Variants in NLGN4X observed in about 807,000 individuals in gnomAD.
NLGN4X encodes neuroligin 4 X-linked, also known as neuroligin-4, X-linked.
NLGN4X carries 3 observed loss-of-function variants against 40.3 expected under a neutral mutation model. The ratio of observed to expected loss-of-function variants is 0.07; its 90% CI spans 0.03 to 0.19. The LOEUF is 0.19. NLGN4X is among the 10% of genes least tolerant of loss of function. NLGN4X has a pLI of 1.00. For synonymous variants in NLGN4X, 270 were observed against 306.8 expected (o/e 0.88, Z 1.25); for missense variants, 382 against 708.3 (o/e 0.54, Z 5.23).
intron 3 of NLGN4X, among the ~76,000 whole-genome samples, chrX:6,005,372 C>T (rs1381157865): frequency 9.0e-6 from 1 of 111,431 alleles, no homozygotes; most frequent in Non-Finnish European, 1.9e-5. Context: ...CATCTGGGTG[C>T]CAACTGTCAT....
intron 3 of NLGN4X, among the ~76,000 whole-genome samples, chrX:5,910,826 G>A (rs1351394599): frequency 1.8e-5 from 2 of 111,613 alleles, no homozygotes; most frequent in Non-Finnish European, 3.8e-5. Flanking sequence ...GAGAGGCAGC[G>A]TCGCAACTGC....
chrX:5,910,751 C>T (rs954213348), intron 3 of NLGN4X, among the ~76,000 whole-genome samples: 3 of 111,444 alleles, frequency 2.7e-5, no homozygotes, highest in African/African-American at 9.8e-5. Flanking sequence ...GGACGATTTT[C>T]GTTCAACAAT....
chrX:6,050,243 A>C (rs771484693), intron 2 of NLGN4X, among the ~76,000 whole-genome samples: 1 of 111,894 alleles, frequency 8.9e-6, no homozygotes, highest in Non-Finnish European at 1.9e-5. Flanking sequence ...ATTAATGAGC[A>C]TGTAGACATA....
At chrX:5,961,129 C>T (rs1017982667) in intron 3 of NLGN4X, among the ~76,000 whole-genome samples, 6 of 111,286 alleles carry the variant, frequency 5.4e-5, no homozygotes, top group Non-Finnish European at 1.1e-4. Flanking sequence ...CCCGGGTTCA[C>T]GCCATTCTCC....
chrX:5,910,617 T>C, intron 3 of NLGN4X, among the ~76,000 whole-genome samples: 1 of 110,105 alleles, frequency 9.1e-6, no homozygotes, highest in East Asian at 2.9e-4. Flanking sequence ...ACAAAAAGAG[T>C]AGAGGATGAG....
intron 3 of NLGN4X, among the ~76,000 whole-genome samples, chrX:5,996,581 A>G (rs2035824454): frequency 9.7e-6 from 1 of 102,739 alleles, no homozygotes; most frequent in African/African-American, 3.5e-5. Flanking sequence ...CACAGAAATA[A>G]CAATCCTCAC....
chrX:5,927,569 T>A (rs1045194970), intron 3 of NLGN4X, among the ~76,000 whole-genome samples: 5 of 112,514 alleles, frequency 4.4e-5, no homozygotes, highest in African/African-American at 1.6e-4. Flanking sequence ...AGAATGCAGG[T>A]AAAAGAGAAT....
chrX:5,945,253 T>C (rs1488677750), intron 3 of NLGN4X, among the ~76,000 whole-genome samples: 1 of 111,329 alleles, frequency 9.0e-6, no homozygotes, highest in African/African-American at 3.3e-5. Context: ...GAAGAAAAGA[T>C]GGATGGGACA....
intron 2 of NLGN4X, among the ~76,000 whole-genome samples, chrX:6,082,894 C>A (rs1309470758): frequency 5.5e-5 from 6 of 108,505 alleles, no homozygotes; most frequent in African/African-American, 1.7e-4. Context: ...TCTGTGCTGT[C>A]CCAAGGGTCT....
chrX:6,087,099 T>G (rs2038515802), intron 2 of NLGN4X, among the ~76,000 whole-genome samples: 1 of 111,967 alleles, frequency 8.9e-6, no homozygotes, highest in Non-Finnish European at 1.9e-5. Flanking sequence ...AATGTACTTT[T>G]AAAAGTTACT....
chrX:5,974,072 C>T (rs1210599353), intron 3 of NLGN4X, among the ~76,000 whole-genome samples: 1 of 111,569 alleles, frequency 9.0e-6, no homozygotes, highest in African/African-American at 3.3e-5. Context: ...GTTGCACTGG[C>T]ATTTCCATGG....
intron 3 of NLGN4X, among the ~76,000 whole-genome samples, chrX:5,950,319 A>G (rs2034266114): frequency 8.9e-6 from 1 of 112,288 alleles, no homozygotes; most frequent in Non-Finnish European, 1.9e-5. Context: ...TATGCAAACT[A>G]TATTTTGTCT....
At chrX:6,033,135 C>A (rs1401638424) in intron 2 of NLGN4X, among the ~76,000 whole-genome samples, 1 of 111,232 alleles carries the variant, frequency 9.0e-6, no homozygotes, top group South Asian at 3.7e-4. Flanking sequence ...ATGCTTATGG[C>A]GTATTCAATG....
chrX:6,137,985 C>T (rs901633494), intron 2 of NLGN4X, among the ~76,000 whole-genome samples: 10 of 111,440 alleles, frequency 9.0e-5, no homozygotes, highest in African/African-American at 3.3e-4. Context: ...TTCAGGGAAA[C>T]GTGCAGTAAA....
chrX:5,935,131 A>G (rs1482462854), intron 3 of NLGN4X, among the ~76,000 whole-genome samples: 1 of 112,188 alleles, frequency 8.9e-6, no homozygotes, highest in African/African-American at 3.2e-5. Context: ...AATATCTAAC[A>G]ACAAATACAA....
intron 2 of NLGN4X, among the ~76,000 whole-genome samples, chrX:6,145,001 A>T (rs1421952829): frequency 9.0e-6 from 1 of 111,095 alleles, no homozygotes. Context: ...CAAAATTAGG[A>T]ATGCTTGTAT....
chrX:6,116,025 G>A (rs758703067), intron 2 of NLGN4X, among the ~76,000 whole-genome samples: 1 of 109,855 alleles, frequency 9.1e-6, no homozygotes, highest in East Asian at 2.9e-4. Context: ...TGGGCGCGGT[G>A]GCTCATGTCT....
intron 3 of NLGN4X, among the ~76,000 whole-genome samples, chrX:5,965,366 C>A (rs2034799256): frequency 8.9e-6 from 1 of 112,025 alleles, no homozygotes; most frequent in Admixed American, 9.5e-5. Flanking sequence ...ATGGACCATG[C>A]ACAAGTGTGT....
At chrX:6,190,008 G>A (rs1165986648) in intron 1 of NLGN4X, among the ~76,000 whole-genome samples, 1 of 108,376 alleles carries the variant, frequency 9.2e-6, no homozygotes, top group African/African-American at 3.4e-5. Context: ...CCTTTGATAA[G>A]ACAAATAAAT....
Sources: allele counts gnomAD v4.1 joint callset (sites outside exome capture counted in the v4.1 genomes callset), GRCh38; gene constraint gnomAD v4.1.1; transcripts MANE v1.5; gene names NCBI Gene and HGNC (gene_info 2026-07-23, HGNC 2026-07-21).